The following PCDHA3 variants were observed in gnomAD, a reference collection of about 807,000 sequenced individuals.
The protein encoded by PCDHA3 is protocadherin alpha-3.
Under a neutral mutation model 62.2 loss-of-function variants are expected in PCDHA3, and 41 were observed. The ratio of observed to expected loss-of-function variants is 0.66; its 90% confidence interval spans 0.51 to 0.86. The LOEUF is 0.86. PCDHA3 is among the 40% of genes least tolerant of loss of function. The probability of loss-of-function intolerance (pLI) is 0.00; values close to 1 mark genes in which losing one functional copy is unlikely to be tolerated. For missense variants in PCDHA3, 1,304 were observed against 1,241.2 expected (o/e 1.05, Z -0.76); for synonymous variants, 640 against 555.4 (o/e 1.15, Z -2.14).
intron 1 of PCDHA3, among the ~76,000 whole-genome samples, chr5:140,844,310 T>G (rs1779318452): frequency 6.7e-6 from 1 of 149,666 alleles, no homozygotes. Context: ...TTTCATATTC[T>G]TCCTAATTTT....
At chr5:141,009,459 A>T in intron 3 of PCDHA3, 168 bp from the exon 4 acceptor site, 3 of 950,878 alleles carry the variant, frequency 3.2e-6, no homozygotes, top group Non-Finnish European at 3.8e-6. Context: ...AATTAAACAA[A>T]TAAATAAATA....
At chr5:140,994,125 C>T (rs1007264886) in intron 3 of PCDHA3, among the ~76,000 whole-genome samples, 6 of 152,044 alleles carry the variant, frequency 3.9e-5, no homozygotes, top group African/African-American at 9.7e-5. Flanking sequence ...GTGATAAGGG[C>T]GACAATAATG....
intron 1 of PCDHA3, chr5:140,848,954 A>G (rs2150426355): frequency 1.4e-5 from 23 of 1,606,754 alleles, no homozygotes; most frequent in Admixed American, 5.1e-5. Flanking sequence ...CTCGGTTTCC[A>G]CTAGAGGGCG....
rs528768034 is a variant in PCDHA3, at chr5:140,802,711, C to G, written c.1514C>G (p.Ser505Trp). Residue 505 changes from serine (S) to tryptophan (W), a missense_variant, in exon 1 of 4, where the codon TCG (serine) becomes TGG (tryptophan). Ser to Trp is a radical substitution (Grantham distance 177). Transcript: ENST00000522353. ...CGGCGGGTGGGGGAGCGCGCGCTGT[C>G]GAGCTACGTGTCGGTACACGCGGAG... ...VERRVGERAL[S>W]SYVSVHAESG... The G allele has an allele frequency of 2.5e-6, 4 of 1,612,534 alleles. No individual in the cohort carries two copies. The highest frequency in any genetic ancestry group is 3.3e-5 in the Admixed American group (2 of 60,016).
intron 1 of PCDHA3, chr5:140,843,530 C>G (rs2150362147): frequency 1.3e-6 from 2 of 1,595,838 alleles, no homozygotes; most frequent in African/African-American, 1.3e-5. Flanking sequence ...GGCGGGCAAG[C>G]CCACTCTGGT....
Position 140,808,865 on chromosome 5 carries a change from G to A in PCDHA3, c.2394+5274G>A, listed in dbSNP as rs567779090. On this transcript the variant is annotated intron_variant, in intron 1 of 3. Transcript: ENST00000522353. ...GCAGGTGTTCGTGCTGGACGAAAAC[G>A]ACAACGCGCCAGCACTGCTAGCGCC... 59 of 1,613,122 alleles carry A rather than the reference G, an allele frequency of 3.7e-5. No individual in the cohort carries two copies. The highest frequency in any genetic ancestry group is 2.7e-4 in the Admixed American group (16 of 60,026).
At chr5:140,913,706 C>A (rs1431880255) in intron 1 of PCDHA3, among the ~76,000 whole-genome samples, 4 of 152,054 alleles carry the variant, frequency 2.6e-5, no homozygotes, top group Non-Finnish European at 5.9e-5. Context: ...CCAATGTAGG[C>A]AATTACAGCT....
chr5:140,967,471 A>G (rs2096144842), intron 1 of PCDHA3: 3 of 1,613,466 alleles, frequency 1.9e-6, no homozygotes, highest in Middle Eastern at 1.7e-4. Context: ...GGGGCATCCC[A>G]GCCCGCTCGG....
chr5:140,850,756 G>A (rs2150497273), intron 1 of PCDHA3: 1 of 1,598,098 alleles, frequency 6.3e-7, no homozygotes, highest in Non-Finnish European at 8.6e-7. Context: ...TCGCAGCAGA[G>A]GAGGCAGAGG....
intron 1 of PCDHA3, among the ~76,000 whole-genome samples, chr5:140,923,382 G>A (rs1554201427): frequency 6.6e-6 from 1 of 152,114 alleles, no homozygotes; most frequent in Non-Finnish European, 1.5e-5. Context: ...TTAAAAATTA[G>A]TTGGGCATGG....
chr5:140,960,253 G>A (rs1554224599), intron 1 of PCDHA3, among the ~76,000 whole-genome samples: 1 of 152,178 alleles, frequency 6.6e-6, no homozygotes, highest in African/African-American at 2.4e-5. Context: ...GCTTCCTGGA[G>A]CTTCTGATAA....
intron 1 of PCDHA3, chr5:140,876,811 G>A (rs2153346110): frequency 9.3e-6 from 15 of 1,614,218 alleles, no homozygotes; most frequent in Non-Finnish European, 1.3e-5. Context: ...GGAGGTGGCC[G>A]ACGTGAACGA....
At chr5:140,902,257 C>T (rs1450183542) in intron 1 of PCDHA3, among the ~76,000 whole-genome samples, 2 of 140,176 alleles carry the variant, frequency 1.4e-5, no homozygotes, top group South Asian at 2.2e-4. Context: ...AGGCTGGTCT[C>T]GAACTCCTGG....
intron 3 of PCDHA3, among the ~76,000 whole-genome samples, chr5:140,990,875 G>A: frequency 6.6e-6 from 1 of 152,198 alleles, no homozygotes; most frequent in East Asian, 1.9e-4. Flanking sequence ...TTAAGTGTAT[G>A]TTCCAGTGAG....
intron 3 of PCDHA3, among the ~76,000 whole-genome samples, chr5:140,984,986 G>A (rs553872050): frequency 6.6e-6 from 1 of 152,080 alleles, no homozygotes; most frequent in African/African-American, 2.4e-5. Context: ...CCCCCAGGCT[G>A]GAGTCCAGTG....
rs782244607 is a variant in PCDHA3 at position 140,802,128 on chromosome 5, G to C, written c.931G>C (p.Glu311Gln). ...QISVKGNIDFEESKSYEIQVE... is the reference protein window; with the variant it reads ...QISVKGNIDFQESKSYEIQVE... ...CAGTGTAAAGGGTAACATAGATTTCGAGGAAAGTAAGTCATATGAAATCCA... is the reference window on the plus strand; with the variant it reads ...CAGTGTAAAGGGTAACATAGATTTCCAGGAAAGTAAGTCATATGAAATCCA... Residue 311 changes from glutamate (E) to glutamine (Q), a missense_variant, in exon 1 of 4, where the codon GAG becomes CAG. Physicochemically the swap from Glu to Gln is conservative, Grantham distance 29. Transcript: ENST00000522353. 2.5e-6 allele frequency: 4 copies of C among 1,614,194 alleles called. No homozygotes were observed. In the Middle Eastern group the frequency reaches 4.9e-4, roughly 200 times the overall value.
At chr5:140,927,575 A>G (rs782237037) in intron 1 of PCDHA3, 1 of 1,614,202 alleles carries the variant, frequency 6.2e-7, no homozygotes, top group South Asian at 1.1e-5. Context: ...GACACAAATG[A>G]CAACGCGCCT....
chr5:140,884,135 C>A (rs1554181269), intron 1 of PCDHA3: 1 of 1,613,422 alleles, frequency 6.2e-7, no homozygotes. Context: ...CATCCCGTTC[C>A]GCGTGGGGCT....
intron 1 of PCDHA3, among the ~76,000 whole-genome samples, chr5:140,833,816 G>T (rs1183513808): frequency 6.6e-6 from 1 of 151,956 alleles, no homozygotes; most frequent in Non-Finnish European, 1.5e-5. Flanking sequence ...TGAGATCCTG[G>T]GTCCCTAAAA....
Sources: gnomAD v4.1 joint callset for allele counts (sites outside exome capture counted in the v4.1 genomes callset) on GRCh38, gnomAD v4.1.1 for gene constraint, MANE v1.5 for transcripts, NCBI Gene and HGNC (gene_info 2026-07-23, HGNC 2026-07-21) for gene names.